The following COL24A1 variants were observed in gnomAD, a reference collection of about 807,000 sequenced individuals.
COL24A1 encodes collagen alpha-1(XXIV) chain.
Under a neutral mutation model 253.9 loss-of-function variants are expected in COL24A1, and 224 were observed. The observed-to-expected ratio is 0.88, with a 90% CI of 0.79 to 0.99. The LOEUF is 0.99. COL24A1 is among the 50% of genes least tolerant of loss of function. The probability of loss-of-function intolerance (pLI) is 0.00; values close to 1 mark genes in which losing one functional copy is unlikely to be tolerated. For synonymous variants in COL24A1, 685 were observed against 673.7 expected, an observed-to-expected ratio of 1.02 and a Z score of -0.26; for missense variants, 2,131 against 2,068.5, an observed-to-expected ratio of 1.03 and a Z score of -0.59.
At chr1:85,808,501 G>T (rs1672209916) in intron 47 of COL24A1, among the ~76,000 whole-genome samples, 2 of 152,160 alleles carry the variant, frequency 1.3e-5, no homozygotes, top group Admixed American at 1.3e-4. Flanking sequence ...TTGCCTTCAT[G>T]TGGCAGGAAA....
chr1:85,996,013 C>T (rs946692435), intron 19 of COL24A1, among the ~76,000 whole-genome samples: 7 of 151,960 alleles, frequency 4.6e-5, no homozygotes, highest in Admixed American at 6.6e-5. Context: ...TATAGCAGTG[C>T]GAGAATGGAT....
intron 48 of COL24A1, among the ~76,000 whole-genome samples, chr1:85,785,908 A>C (rs1000089572): frequency 3.3e-5 from 5 of 152,246 alleles, no homozygotes; most frequent in African/African-American, 1.2e-4. Context: ...ATGCAATATA[A>C]GACTTAGTTA....
chr1:85,830,167 T>C (rs1220510233), intron 43 of COL24A1, among the ~76,000 whole-genome samples: 6 of 152,048 alleles, frequency 3.9e-5, no homozygotes, highest in African/African-American at 1.2e-4. Flanking sequence ...TGCAGGTCTG[T>C]TGGAGTACCC....
chr1:86,142,532 AAC>A, intron 2 of COL24A1, among the ~76,000 whole-genome samples: 1 of 149,272 alleles, frequency 6.7e-6, no homozygotes, highest in East Asian at 2.0e-4. Flanking sequence ...CAAAAAAAAA[AAC>A]AAAAAACAAA....
chr1:85,969,094 G>C (rs1558839570), intron 22 of COL24A1, among the ~76,000 whole-genome samples: 2 of 152,076 alleles, frequency 1.3e-5, no homozygotes, highest in Non-Finnish European at 2.9e-5. Flanking sequence ...GTGTAGACCA[G>C]AGTTGAATAT....
At position 85,982,882 on chromosome 1, in the gene COL24A1, T is replaced by C. The variant is rs529726297; in HGVS notation, c.2364+4719A>G. The stretch of plus-strand genomic sequence containing the variant: ...TGTTACCTGGAGAATAAATGTCTTA[T>C]ACAAGAAATCTGTGTATAAAATCCT... On this transcript the variant is annotated intron_variant, in intron 20 of 59. Transcript: ENST00000370571. Among the ~76,000 whole-genome samples, 14 of 152,160 alleles carry C rather than the reference T, an allele frequency of 9.2e-5. No homozygotes were observed. The South Asian group carries it at 1.9e-3, about 20-fold the overall frequency.
rs1695242502 is a variant in COL24A1, at chr1:85,999,962, C to A, written c.2311-12308G>T. Among the ~76,000 whole-genome samples the A allele has an allele frequency of 1.3e-5, 2 of 152,152 alleles. 1 individual carries two copies. Among genetic ancestry groups the A allele is most frequent in the Non-Finnish European group, 2.9e-5 (2 of 68,026 alleles). On this transcript the variant is annotated intron_variant, in intron 19 of 59. Coordinates refer to ENST00000370571, the MANE Select transcript of COL24A1 (RefSeq NM_152890.7). ...AGGTCTTATACAATTTGATGCCAAC[C>A]TACTTTTACAGCCTTATTTGTCACT...
intron 20 of COL24A1, among the ~76,000 whole-genome samples, chr1:85,981,601 C>T (rs1423535036): frequency 6.6e-6 from 1 of 152,008 alleles, no homozygotes; most frequent in Non-Finnish European, 1.5e-5. Flanking sequence ...GAAGTCATGA[C>T]CAAGAACCCA....
rs373380299 is a variant in COL24A1, at chr1:85,961,280, T to G, written c.2531A>C (p.Asp844Ala). Residue 844 changes from aspartate (D) to alanine (A), a missense_variant, in exon 24 of 60, where the codon GAT becomes GCT. Asp to Ala is a moderately radical substitution (Grantham distance 126). Transcript: ENST00000370571. ...ACCAATTTTTCCAATATTTCCTTGA[T>G]CTCCTACTTCTCCCTGTCAAAAAAG... ...GPEGLKGEVG[D>A]QGNIGKIGET... 30 of 1,604,346 alleles carry G rather than the reference T, an allele frequency of 1.9e-5. No individual in the cohort carries two copies.
intron 35 of COL24A1, 128 bp from the exon 36 acceptor site, chr1:85,868,963 C>G: frequency 1.7e-6 from 1 of 584,384 alleles, no homozygotes; most frequent in Non-Finnish European, 2.9e-6. Context: ...TACTTTATTT[C>G]TAAAGAGGAT....
chr1:86,154,988 A>C (rs1572102106), intron 1 of COL24A1: 2 of 152,528 alleles, frequency 1.3e-5, no homozygotes, highest in Admixed American at 1.3e-4. Context: ...TATCGAGAAC[A>C]GTGGCGGGAA....
chr1:86,063,571 A>G lies in COL24A1; in HGVS notation c.1752+144T>C, dbSNP rs1701261772. 4 of 448,356 alleles carry G rather than the reference A, an allele frequency of 8.9e-6. No individual in the cohort carries two copies. In the East Asian group the frequency reaches 1.3e-4, roughly 15 times the overall value. The allele number at this position is 448,356 out of a possible 1,614,324, so 27.8% of individuals were successfully genotyped here. A position where few individuals can be genotyped will look rare whatever the true frequency, so the allele number is the denominator to read the frequency against. On this transcript the variant is annotated intron_variant, in intron 8 of 59. Coordinates refer to ENST00000370571, the MANE Select transcript of COL24A1 (RefSeq NM_152890.7). ...AAATAAAAAGATCTACAGCTAATCA[A>G]TTAAAAGGTTGTCCTGCACTAAACA...
rs182966969 is a variant in COL24A1 at position 86,002,474 on chromosome 1, A to T, written c.2310+14677T>A. ...ACTTTTTCCTTTAAAATTAAAAAAGATAATAAAAAACTAGTTTGCATTCAT... is the reference window on the plus strand; with the variant it reads ...ACTTTTTCCTTTAAAATTAAAAAAGTTAATAAAAAACTAGTTTGCATTCAT... On this transcript the variant is annotated intron_variant, in intron 19 of 59. Transcript: ENST00000370571. Among the ~76,000 whole-genome samples the T allele has an allele frequency of 2.3e-3, 345 of 152,362 alleles. 4 individuals are homozygous for T. The highest frequency in any genetic ancestry group is 8.0e-3 in the African/African-American group (334 of 41,590).
At chr1:85,875,512 C>T (rs1041282507) in intron 33 of COL24A1, among the ~76,000 whole-genome samples, 182 bp from the exon 34 acceptor site, 2 of 152,126 alleles carry the variant, frequency 1.3e-5, no homozygotes, top group Non-Finnish European at 2.9e-5. Context: ...AATGTCAAGA[C>T]AACTTCGTCT....
Position 85,786,359 on chromosome 1 carries a change from G to A in COL24A1, c.4054C>T (p.Pro1352Ser). 1 of 1,613,220 alleles carries A rather than the reference G, an allele frequency of 6.2e-7. No homozygotes were observed. Among genetic ancestry groups the A allele is most frequent in the Non-Finnish European group, 8.5e-7 (1 of 1,179,504 alleles). ...GGAACAAAATATTAAAGTACCTTTG[G>A]GCCTTGAATTCCTGGGCTTCCTGGC... is the stretch of plus-strand genomic sequence containing the variant. ...GLPGSPGIQG[P>S]KGEQGLPGQP... The change falls in exon 48 of 60, where the codon CCA becomes TCA. Residue 1352 changes from proline (P) to serine (S), a missense_variant. Coordinates refer to ENST00000370571, the MANE Select transcript of COL24A1 (RefSeq NM_152890.7).
At chr1:85,838,952 C>A (rs1676308830) in intron 42 of COL24A1, among the ~76,000 whole-genome samples, 1 of 152,150 alleles carries the variant, frequency 6.6e-6, no homozygotes, top group Non-Finnish European at 1.5e-5. Context: ...GTAGTCCCAG[C>A]ACGTTGGGAG....
At chr1:85,997,513 A>ATTGAAAGATGATCATGTGGGCCGGGCGCG in intron 19 of COL24A1, among the ~76,000 whole-genome samples, 1 of 151,990 alleles carries the variant, frequency 6.6e-6, no homozygotes, top group East Asian at 1.9e-4. Context: ...GGCCGGGCGC[A>ATTGAAAGATGATCATGTGGGCCGGGCGCG]GTGACTCACA....
chr1:86,046,773 A>T (rs1699933999), intron 12 of COL24A1, 52 bp downstream of exon 12: 5 of 1,596,898 alleles, frequency 3.1e-6, no homozygotes, highest in Non-Finnish European at 4.3e-6. Flanking sequence ...AAGAACACAT[A>T]ACCAGGTTAT....
chr1:85,804,873 A>AT (rs1384884162), intron 47 of COL24A1, among the ~76,000 whole-genome samples: 6 of 147,744 alleles, frequency 4.1e-5, no homozygotes, highest in Admixed American at 4.0e-4. Context: ...TTTTTTTAGG[A>AT]TTTTGTTTTG....
Sources: allele counts gnomAD v4.1 joint callset (sites outside exome capture counted in the v4.1 genomes callset), GRCh38; gene constraint gnomAD v4.1.1; transcripts MANE v1.5; gene names NCBI Gene and HGNC (gene_info 2026-07-23, HGNC 2026-07-21).